Variants in PLEKHG3 observed in about 807,000 individuals in gnomAD.
PLEKHG3 encodes pleckstrin homology and RhoGEF domain containing G3.
Under a neutral mutation model 94.9 loss-of-function variants are expected in PLEKHG3, and 62 were observed. That is an observed-to-expected ratio of 0.65 (90% confidence interval 0.53 to 0.81). PLEKHG3 has a LOEUF of 0.81. Among genes scored for constraint, PLEKHG3 ranks in the 30% least tolerant of loss-of-function variants. PLEKHG3 has a pLI of 0.00. For synonymous variants in PLEKHG3, 614 were observed against 654.0 expected (o/e 0.94, Z 0.93); for missense variants, 1,461 against 1,619.3 (o/e 0.90, Z 1.68).
Position 64,749,270 on chromosome 14 carries a change from G to C in PLEKHG3, c.*5567G>C, listed in dbSNP as rs759972947. 1.9e-6 allele frequency: 3 copies of C among 1,545,730 alleles called. No homozygotes were observed. Among genetic ancestry groups the C allele is most frequent in the Non-Finnish European group, 2.6e-6 (3 of 1,150,744 alleles). Reference sequence around the variant, plus strand: ...AAGGCCTGGGCTGCCCGGTCTCTGCGCGTCCCGACTCCGCCGCGCCCGCCA... The same window carrying C: ...AAGGCCTGGGCTGCCCGGTCTCTGCCCGTCCCGACTCCGCCGCGCCCGCCA... On this transcript the variant is annotated 3_prime_UTR_variant, in exon 17 of 17. Coordinates refer to ENST00000247226, the MANE Select transcript of PLEKHG3 (RefSeq NM_001308147.2). This position sits in a 1 kb window ranked among gnomAD's most constrained non-coding sequence, Gnocchi z 4.7.
Position 64,730,990 on chromosome 14 carries a change from G to T in PLEKHG3, c.717+41G>T, listed in dbSNP as rs1167461318. The T allele has an allele frequency of 1.2e-6, 2 of 1,613,742 alleles. No homozygotes were observed. The highest frequency in any genetic ancestry group is 2.2e-5 in the South Asian group (2 of 91,076). On this transcript the variant is annotated intron_variant, in intron 6 of 16. Transcript: ENST00000247226. The surrounding 1 kb of genome is among the most constrained non-coding windows in gnomAD (Gnocchi z 5.4). ...TCCCAAGCACCTAGGGCCTGGGGAG[G>T]GCAGGGCCTTCGGGTCAGGGGCACC...
In PLEKHG3 at chr14:64,732,133, C is replaced by A. The variant is rs2081480039; in HGVS notation, c.1164C>A (p.His388Gln). ...AGGAGAAACGGAACTGGACTCACCA[C>A]ATCAAGAGGCTCATCCTAGAGAACC... is the stretch of plus-strand genomic sequence containing the variant. ...TVEEKRNWTH[H>Q]IKRLILENHH... The change falls in exon 10 of 17, where the codon CAC (histidine) becomes CAA (glutamine). Residue 388 changes from histidine to glutamine, a missense_variant. This residue lies in a region of PLEKHG3 where 1,201 missense variants were observed against 1,295.5 expected (regional missense o/e 0.93). Coordinates refer to ENST00000247226, the MANE Select transcript of PLEKHG3 (RefSeq NM_001308147.2). The surrounding 1 kb of genome is among the most constrained non-coding windows in gnomAD (Gnocchi z 4.9). 1 of 1,614,040 alleles carries A rather than the reference C, an allele frequency of 6.2e-7. No homozygotes were observed. The highest frequency in any genetic ancestry group is 8.5e-7 in the Non-Finnish European group (1 of 1,179,958).
chr14:64,743,257 C>A lies in PLEKHG3; in HGVS notation c.3214C>A (p.Arg1072Ser). ...EARRAGGGRP[R>S]GPPVNRSHSV... ...ACGCCGAGCAGGGGGCGGCCGGCCCCGCGGCCCACCCGTCAACAGGAGCCA... is the reference window on the plus strand; with the variant it reads ...ACGCCGAGCAGGGGGCGGCCGGCCCAGCGGCCCACCCGTCAACAGGAGCCA... The change falls in exon 17 of 17, where the codon CGC becomes AGC. Residue 1072 changes from arginine to serine, a missense_variant. By Grantham distance (110) the Arg-to-Ser change is moderately radical (BLOSUM62 -1). Around this residue, in one of 3 missense-constraint regions of PLEKHG3, gnomAD observed 1,201 missense variants for 1,295.5 expected, o/e 0.93. Coordinates refer to ENST00000247226, the MANE Select transcript of PLEKHG3 (RefSeq NM_001308147.2). The surrounding 1 kb of genome is among the most constrained non-coding windows in gnomAD (Gnocchi z 7.2). The A allele has an allele frequency of 6.2e-7, 1 of 1,606,256 alleles. No homozygotes were observed. The highest frequency in any genetic ancestry group is 8.5e-7 in the Non-Finnish European group (1 of 1,178,586).
rs1594691337 is a variant in PLEKHG3, at chr14:64,730,890, T to C, written c.658T>C (p.Leu220=). Residue 220 remains leucine (L), a synonymous_variant, in exon 6 of 17, where the codon TTG becomes CTG. Coordinates refer to ENST00000247226, the MANE Select transcript of PLEKHG3 (RefSeq NM_001308147.2). This position sits in a 1 kb window ranked among gnomAD's most constrained non-coding sequence, Gnocchi z 5.4. ...RQELLQHSLP[L]GSYLLKPVQR... is the part of the protein sequence containing the mutation. ...GGAGCTGCTACAGCACTCGCTGCCC[T>C]TGGGCTCCTACCTGCTGAAGCCAGT... 6.2e-7 allele frequency: 1 copy of C among 1,613,148 alleles called. No individual in the cohort carries two copies. The highest frequency in any genetic ancestry group is 1.1e-5 in the South Asian group (1 of 91,088).
rs1415097429 is a variant in PLEKHG3, at chr14:64,716,870, C to T, written c.-39-10723C>T. 6.6e-6 allele frequency among the ~76,000 whole-genome samples: 1 copy of T among 152,212 alleles called. No individual in the cohort carries two copies. Among genetic ancestry groups the T allele is most frequent in the Non-Finnish European group, 1.5e-5 (1 of 68,050 alleles). ...ATTGGGATTGGGTAATACTGCCCCA[C>T]CGGTCTGAATTCTGGTCCATGTACG... On this transcript the variant is annotated intron_variant, in intron 1 of 16. Coordinates refer to ENST00000247226, the MANE Select transcript of PLEKHG3 (RefSeq NM_001308147.2). This position sits in a 1 kb window ranked among gnomAD's most constrained non-coding sequence, Gnocchi z 5.0.
Position 64,743,330 on chromosome 14 carries a change from G to A in PLEKHG3, c.3287G>A (p.Gly1096Asp). 1 of 1,607,130 alleles carries A rather than the reference G, an allele frequency of 6.2e-7. No homozygotes were observed. The highest frequency in any genetic ancestry group is 8.5e-7 in the Non-Finnish European group (1 of 1,177,692). ...MVEPPLSGRV[G>D]RCRSLSTKRG... ...GAGCCACCTCTGTCGGGCAGGGTGGGCCGCTGCCGCAGCCTGAGCACCAAG... is the reference window on the plus strand; with the variant it reads ...GAGCCACCTCTGTCGGGCAGGGTGGACCGCTGCCGCAGCCTGAGCACCAAG... The change falls in exon 17 of 17, where the codon GGC (glycine) becomes GAC (aspartate). Residue 1096 changes from glycine to aspartate, a missense_variant. This residue lies in a region of PLEKHG3 where 1,201 missense variants were observed against 1,295.5 expected (regional missense o/e 0.93). Coordinates refer to ENST00000247226, the MANE Select transcript of PLEKHG3 (RefSeq NM_001308147.2). The surrounding 1 kb of genome is among the most constrained non-coding windows in gnomAD (Gnocchi z 7.2).
At position 64,727,559 on chromosome 14, in the gene PLEKHG3, G is replaced by C. The variant is rs1241956648; in HGVS notation, c.-39-34G>C. On this transcript the variant is annotated intron_variant, in intron 1 of 16. Transcript: ENST00000247226. This position sits in a 1 kb window ranked among gnomAD's most constrained non-coding sequence, Gnocchi z 6.0. ...TCTGTTCTGTTTCTGTGGGCATTCA[G>C]AGGTTGACCCTTCATCTGTCTGTCT... The C allele has an allele frequency of 5.0e-6, 3 of 604,576 alleles. No homozygotes were observed. Among genetic ancestry groups the C allele is most frequent in the Non-Finnish European group, 8.6e-6 (3 of 349,278 alleles). 37.5% of individuals were successfully genotyped at this position (604,576 alleles called of 1,614,324 possible).
At chr14:64,712,959 A>G (rs539884243) in intron 1 of PLEKHG3, among the ~76,000 whole-genome samples, 6 of 152,290 alleles carry the variant, frequency 3.9e-5, no homozygotes, top group African/African-American at 1.4e-4. Flanking sequence ...TGTTCTGTGT[A>G]AGGTTGGGGA....
intron 15 of PLEKHG3, among the ~76,000 whole-genome samples, chr14:64,740,157 A>G (rs2081658197): frequency 2.0e-5 from 3 of 152,138 alleles, no homozygotes; most frequent in Admixed American, 2.0e-4. Context: ...GCCTAACCCC[A>G]TTTCGGGTGC....
chr14:64,742,055 C>T lies in PLEKHG3; in HGVS notation c.2538C>T (p.Leu846=), dbSNP rs963277416. The T allele has an allele frequency of 4.4e-6, 7 of 1,604,160 alleles. No homozygotes were observed. Among genetic ancestry groups the T allele is most frequent in the African/African-American group, 1.3e-5 (1 of 74,740 alleles). ...QANGFDLHEP[L]FILEEHELGA... is the part of the protein sequence containing the mutation. ...ATGGCTTTGACCTGCATGAGCCACT[C>T]TTCATCCTGGAGGAGCATGAGCTGG... The change falls in exon 16 of 17, where the codon CTC becomes CTT. Residue 846 remains leucine (L), a synonymous_variant. Coordinates refer to ENST00000247226, the MANE Select transcript of PLEKHG3 (RefSeq NM_001308147.2).
At chr14:64,742,597 A>G in intron 16 of PLEKHG3, 142 bp downstream of exon 16, 1 of 664,386 alleles carries the variant, frequency 1.5e-6, no homozygotes, top group Non-Finnish European at 2.5e-6. Context: ...CTAAGGGCAC[A>G]GGGTGAGCCC....
rs770955432 is a variant in PLEKHG3 at position 64,743,630 on chromosome 14, C to A, written c.3587C>A (p.Pro1196Gln). 23 of 1,611,728 alleles carry A rather than the reference C, an allele frequency of 1.4e-5. No individual in the cohort carries two copies. Among genetic ancestry groups the A allele is most frequent in the Non-Finnish European group, 1.9e-5 (22 of 1,179,622 alleles). ...CCGAAGGAAGAGGGTTCCAGGGACC[C>A]GGCAGACCCGAGCCAGCAGGGCAGA... ...CQPKEEGSRD[P>Q]ADPSQQGRVR... Residue 1196 changes from proline to glutamine, a missense_variant, in exon 17 of 17, where the codon CCG becomes CAG. Physicochemically the swap from Pro to Gln is moderately conservative, Grantham distance 76. Transcript: ENST00000247226. This position sits in a 1 kb window ranked among gnomAD's most constrained non-coding sequence, Gnocchi z 7.2.
At position 64,723,025 on chromosome 14, in the gene PLEKHG3, G is replaced by T. The variant is rs2081290154; in HGVS notation, c.-39-4568G>T. On this transcript the variant is annotated intron_variant, in intron 1 of 16. Transcript: ENST00000247226. The surrounding 1 kb of genome is among the most constrained non-coding windows in gnomAD (Gnocchi z 4.5). ...TTGGGTCAGAATGGGGCATGGTGCTGAGGCGTAGTGGGGAGGGGAAGGATG... is the reference window on the plus strand; with the variant it reads ...TTGGGTCAGAATGGGGCATGGTGCTTAGGCGTAGTGGGGAGGGGAAGGATG... 6.6e-6 allele frequency among the ~76,000 whole-genome samples: 1 copy of T among 152,148 alleles called. No individual in the cohort carries two copies. The highest frequency in any genetic ancestry group is 1.5e-5 in the Non-Finnish European group (1 of 68,024).
In PLEKHG3 at chr14:64,749,560, C is replaced by A; in HGVS notation, c.*5857C>A. The stretch of plus-strand genomic sequence containing the variant: ...GCAACAATGGTGGGGGCTCTTGGGA[C>A]TGCCCCTTCTGAGGGGGCCTCCAGG... On this transcript the variant is annotated 3_prime_UTR_variant, in exon 17 of 17. Transcript: ENST00000247226. The surrounding 1 kb of genome is among the most constrained non-coding windows in gnomAD (Gnocchi z 4.7). 1.2e-6 allele frequency: 2 copies of A among 1,604,042 alleles called. No individual in the cohort carries two copies. The highest frequency in any genetic ancestry group is 1.7e-6 in the Non-Finnish European group (2 of 1,178,508).
chr14:64,749,672 G>A lies in PLEKHG3; in HGVS notation c.*5969G>A, dbSNP rs1357283124. 1 of 1,613,838 alleles carries A rather than the reference G, an allele frequency of 6.2e-7. No homozygotes were observed. The highest frequency in any genetic ancestry group is 1.3e-5 in the African/African-American group (1 of 75,042). The stretch of plus-strand genomic sequence containing the variant: ...CGCTTACCTCATCCTTGCCATGGAA[G>A]AGCCACTCGCTGCCATTACTCAGCC... On this transcript the variant is annotated 3_prime_UTR_variant, in exon 17 of 17. Transcript: ENST00000247226. The surrounding 1 kb of genome is among the most constrained non-coding windows in gnomAD (Gnocchi z 4.7).
rs1297767342 is a variant in PLEKHG3, at chr14:64,726,573, G to T, written c.-39-1020G>T. Among the ~76,000 whole-genome samples, 2 of 152,168 alleles carry T rather than the reference G, an allele frequency of 1.3e-5. No homozygotes were observed. The highest frequency in any genetic ancestry group is 3.8e-4 in the East Asian group (2 of 5,200). On this transcript the variant is annotated intron_variant, in intron 1 of 16. Transcript: ENST00000247226. This position sits in a 1 kb window ranked among gnomAD's most constrained non-coding sequence, Gnocchi z 5.1. ...TTCCATCCCCCGGCTGCTCCAGGTG[G>T]GCCTGCCTGTGAGCCACACCATCTG...
Position 64,744,156 on chromosome 14 carries a change from T to C in PLEKHG3, c.*453T>C, listed in dbSNP as rs1167508936. ...GGCAGGAATGAAGCCAATAATTTAT[T>C]GCTTTCCATTCTGTGGTATGATGTG... On this transcript the variant is annotated 3_prime_UTR_variant, in exon 17 of 17. Coordinates refer to ENST00000247226, the MANE Select transcript of PLEKHG3 (RefSeq NM_001308147.2). 1 of 156,282 alleles carries C rather than the reference T, an allele frequency of 6.4e-6. No individual in the cohort carries two copies. Among genetic ancestry groups the C allele is most frequent in the Non-Finnish European group, 1.4e-5 (1 of 70,824 alleles). The allele number at this position is 156,282 out of a possible 1,614,324, so 9.7% of individuals were successfully genotyped here.
At position 64,723,518 on chromosome 14, in the gene PLEKHG3, T is replaced by C. The variant is rs1175840691; in HGVS notation, c.-39-4075T>C. ...AAGAGTTTTCTTTTTTCTTTTTTTT[T>C]GAGATGGAGTCTCATGCTGTCACCC... On this transcript the variant is annotated intron_variant, in intron 1 of 16. Transcript: ENST00000247226. The surrounding 1 kb of genome is among the most constrained non-coding windows in gnomAD (Gnocchi z 4.5). Among the ~76,000 whole-genome samples the C allele has an allele frequency of 6.6e-6, 1 of 152,008 alleles. No homozygotes were observed. Among genetic ancestry groups the C allele is most frequent in the Non-Finnish European group, 1.5e-5 (1 of 68,006 alleles).
In PLEKHG3 at chr14:64,747,377, C is replaced by T. The variant is rs188228003; in HGVS notation, c.*3674C>T. On this transcript the variant is annotated 3_prime_UTR_variant, in exon 17 of 17. Coordinates refer to ENST00000247226, the MANE Select transcript of PLEKHG3 (RefSeq NM_001308147.2). The stretch of plus-strand genomic sequence containing the variant: ...TATTGCTAGGTGAGTGCAGTCACCT[C>T]ACTGCCTTGGTTTCCCCAGATACAG... The T allele has an allele frequency of 1.3e-5, 2 of 152,830 alleles. No homozygotes were observed. Among genetic ancestry groups the T allele is most frequent in the African/African-American group, 4.8e-5 (2 of 41,590 alleles). 9.5% of individuals were successfully genotyped at this position (152,830 alleles called of 1,614,324 possible). A position where few individuals can be genotyped will look rare whatever the true frequency, so the allele number is the denominator to read the frequency against.
Sources: gnomAD v4.1 joint callset for allele counts (sites outside exome capture counted in the v4.1 genomes callset) on GRCh38, gnomAD v4.1.1 for gene constraint, gnomAD v4.1.1 regional missense constraint, Gnocchi (gnomAD v3.1) non-coding constraint, MANE v1.5 for transcripts, NCBI Gene and HGNC (gene_info 2026-07-23, HGNC 2026-07-21) for gene names.